The following HCN1 variants were observed in gnomAD, a reference collection of about 807,000 sequenced individuals.
HCN1 encodes the protein hyperpolarization activated cyclic nucleotide gated potassium channel 1, also known as potassium/sodium hyperpolarization-activated cyclic nucleotide-gated channel 1.
A neutral mutation model predicts 78.9 loss-of-function variants in HCN1; 13 were observed. That is an observed-to-expected ratio of 0.16 (90% CI 0.11 to 0.26). HCN1 has a LOEUF of 0.26. Among genes scored for constraint, HCN1 ranks in the 10% least tolerant of loss-of-function variants. The pLI is 1.00. For synonymous variants in HCN1, 552 were observed against 455.5 expected (o/e 1.21, Z -2.70); for missense variants, 810 against 1,154.3 (o/e 0.70, Z 4.32).
chr5:45,285,712 A>AT (rs1745255524), intron 6 of HCN1, among the ~76,000 whole-genome samples: 2 of 152,002 alleles, frequency 1.3e-5, no homozygotes, highest in Admixed American at 1.3e-4. Context: ...TCTTGATTTA[A>AT]AGATGTTCCT....
At chr5:45,372,616 T>C (rs1168335699) in intron 4 of HCN1, among the ~76,000 whole-genome samples, 2 of 128,078 alleles carry the variant, frequency 1.6e-5, no homozygotes, top group African/African-American at 3.1e-5. Flanking sequence ...AAACATTTTA[T>C]ATAAAAATAT....
chr5:45,431,608 G>A (rs1740464515), intron 3 of HCN1, among the ~76,000 whole-genome samples: 1 of 152,104 alleles, frequency 6.6e-6, no homozygotes, highest in Non-Finnish European at 1.5e-5. Flanking sequence ...GTTGATTTTT[G>A]TGTATGGTAT....
intron 3 of HCN1, among the ~76,000 whole-genome samples, chr5:45,424,321 C>CA (rs970190169): frequency 1.7e-4 from 25 of 150,946 alleles, no homozygotes; most frequent in Non-Finnish European, 2.5e-4. Context: ...AAAACAAAAA[C>CA]AAAAAAAATA....
chr5:45,690,297 G>A (rs1739884971), intron 1 of HCN1, among the ~76,000 whole-genome samples: 1 of 151,796 alleles, frequency 6.6e-6, no homozygotes, highest in African/African-American at 2.4e-5. Context: ...TTAACTGCGT[G>A]GTCAACTATT....
intron 3 of HCN1, among the ~76,000 whole-genome samples, chr5:45,401,014 A>G (rs1303144008): frequency 6.6e-6 from 1 of 152,202 alleles, no homozygotes; most frequent in Non-Finnish European, 1.5e-5. Flanking sequence ...TAGTTAATTC[A>G]GTCATTTTTT....
At chr5:45,590,552 A>G (rs1744338919) in intron 2 of HCN1, among the ~76,000 whole-genome samples, 1 of 152,156 alleles carries the variant, frequency 6.6e-6, no homozygotes, top group African/African-American at 2.4e-5. Context: ...TGTACCTTCT[A>G]TGGGTTTGGA....
chr5:45,337,266 C>T (rs1746481260), intron 5 of HCN1, among the ~76,000 whole-genome samples: 1 of 151,884 alleles, frequency 6.6e-6, no homozygotes, highest in African/African-American at 2.4e-5. Flanking sequence ...TATTTTTTCA[C>T]ATAAAAATAG....
At chr5:45,689,154 CA>C (rs143293017) in intron 1 of HCN1, among the ~76,000 whole-genome samples, 1 of 151,730 alleles carries the variant, frequency 6.6e-6, no homozygotes, top group Non-Finnish European at 1.5e-5. Flanking sequence ...AATTTTGTCT[CA>C]AAAAAGCTGT....
intron 5 of HCN1, among the ~76,000 whole-genome samples, chr5:45,340,457 T>C (rs1746553432): frequency 6.6e-6 from 1 of 152,154 alleles, no homozygotes; most frequent in Non-Finnish European, 1.5e-5. Flanking sequence ...TTATCTTGTC[T>C]TTCTGTCTTT....
At position 45,504,687 on chromosome 5, in the gene HCN1, A is replaced by G. The variant is rs575793770; in HGVS notation, c.850-42680T>C. Among the ~76,000 whole-genome samples, 277 of 152,278 alleles carry G rather than the reference A, an allele frequency of 1.8e-3. 1 individual carries two copies. Among genetic ancestry groups the G allele is most frequent in the African/African-American group, 6.5e-3 (269 of 41,558 alleles). ...GAGGAATCACCACACTGTCTTCCAC[A>G]ATGGTTGAACTAGTTTACAGTCCCA... On this transcript the variant is annotated intron_variant, in intron 2 of 7. Coordinates refer to ENST00000303230, the MANE Select transcript of HCN1 (RefSeq NM_021072.4).
intron 2 of HCN1, among the ~76,000 whole-genome samples, chr5:45,568,594 T>C (rs749865082): frequency 9.2e-5 from 14 of 152,032 alleles, no homozygotes; most frequent in Non-Finnish European, 1.6e-4. Context: ...TAAATGTTAA[T>C]GACTGTTATT....
intron 2 of HCN1, among the ~76,000 whole-genome samples, chr5:45,474,290 T>TTA (rs1202473482): frequency 1.3e-5 from 2 of 151,906 alleles, no homozygotes; most frequent in African/African-American, 4.8e-5. Flanking sequence ...CATAGTATAA[T>TTA]ACACATTGAT....
At chr5:45,418,638 G>A (rs1740164490) in intron 3 of HCN1, among the ~76,000 whole-genome samples, 1 of 151,888 alleles carries the variant, frequency 6.6e-6, no homozygotes, top group African/African-American at 2.4e-5. Flanking sequence ...ATCTAATGCT[G>A]ATAAATCAAC....
chr5:45,593,370 A>ACACC (rs1554034748), intron 2 of HCN1, among the ~76,000 whole-genome samples: 17 of 135,098 alleles, frequency 1.3e-4, no homozygotes, highest in African/African-American at 2.0e-4. Flanking sequence ...ACACACACAC[A>ACACC]CCCCACATGT....
chr5:45,614,763 G>C (rs932327612), intron 2 of HCN1, among the ~76,000 whole-genome samples: 1 of 151,866 alleles, frequency 6.6e-6, no homozygotes, highest in Non-Finnish European at 1.5e-5. Flanking sequence ...CATATAAACA[G>C]TACTGCAAAA....
At chr5:45,524,241 C>G (rs1410442462) in intron 2 of HCN1, among the ~76,000 whole-genome samples, 1 of 152,162 alleles carries the variant, frequency 6.6e-6, no homozygotes, top group African/African-American at 2.4e-5. Flanking sequence ...GCTACCAGTA[C>G]TATGCTGTTT....
At chr5:45,410,161 C>A (rs1487462863) in intron 3 of HCN1, among the ~76,000 whole-genome samples, 1 of 151,934 alleles carries the variant, frequency 6.6e-6, no homozygotes, top group Non-Finnish European at 1.5e-5. Context: ...GTGATTATCA[C>A]AAGAGCCTTG....
intron 4 of HCN1, among the ~76,000 whole-genome samples, chr5:45,373,240 A>T (rs1354645997): frequency 8.3e-6 from 1 of 120,948 alleles, no homozygotes; most frequent in African/African-American, 3.3e-5. Context: ...TTTACATTAT[A>T]TATAATATAT....
chr5:45,550,115 A>G (rs922074516), intron 2 of HCN1, among the ~76,000 whole-genome samples: 20 of 152,248 alleles, frequency 1.3e-4, no homozygotes, highest in African/African-American at 4.3e-4. Context: ...CTAGAACTAG[A>G]AATACCATTT....
Sources: allele counts gnomAD v4.1 joint callset (sites outside exome capture counted in the v4.1 genomes callset), GRCh38; gene constraint gnomAD v4.1.1; transcripts MANE v1.5; gene names NCBI Gene and HGNC (gene_info 2026-07-23, HGNC 2026-07-21).